Variants in ABCC4 observed in about 807,000 individuals in gnomAD.
ABCC4 encodes the protein ATP-binding cassette sub-family C member 4.
In ABCC4, 102 loss-of-function variants were observed where a neutral mutation model predicts 168.5. The ratio of observed to expected loss-of-function variants is 0.61; its 90% CI spans 0.52 to 0.71. ABCC4 has a LOEUF of 0.71. Ranked by LOEUF, ABCC4 falls within the 30% of genes least tolerant of loss-of-function variation. The pLI, the probability that ABCC4 is intolerant of heterozygous loss-of-function variation, is 0.00. For missense variants in ABCC4, 1,402 were observed against 1,605.8 expected (o/e 0.87, Z 2.17); for synonymous variants, 617 against 590.7 (o/e 1.04, Z -0.65).
At chr13:95,147,059 G>T (rs1247502632) in intron 19 of ABCC4, among the ~76,000 whole-genome samples, 1 of 152,192 alleles carries the variant, frequency 6.6e-6, no homozygotes, top group Non-Finnish European at 1.5e-5. Flanking sequence ...AATCATCGCA[G>T]TTCAGAGCTG....
At chr13:95,102,841 A>G (rs1355070744) in intron 20 of ABCC4, among the ~76,000 whole-genome samples, 2 of 148,396 alleles carry the variant, frequency 1.3e-5, no homozygotes, top group Non-Finnish European at 3.0e-5. Flanking sequence ...GGCTGGTCTC[A>G]AACTCCTGAC....
intron 19 of ABCC4, among the ~76,000 whole-genome samples, chr13:95,132,289 C>A (rs1245565620): frequency 6.6e-6 from 1 of 152,158 alleles, no homozygotes; most frequent in Non-Finnish European, 1.5e-5. Context: ...GATCTCGGCT[C>A]ACTGCAACTT....
chr13:95,196,580 A>AGGAGGGAGGGAG (rs1566515153), intron 8 of ABCC4, among the ~76,000 whole-genome samples: 13 of 101,100 alleles, frequency 1.3e-4, no homozygotes, highest in African/African-American at 4.3e-4. Flanking sequence ...AAAGGAGGAA[A>AGGAGGGAGGGAG]GGAGGAAGGA....
intron 19 of ABCC4, among the ~76,000 whole-genome samples, chr13:95,143,192 C>T (rs2036377889): frequency 6.6e-6 from 1 of 152,098 alleles, no homozygotes; most frequent in Admixed American, 6.5e-5. Flanking sequence ...AGAGAATTCA[C>T]CAATCTTTCG....
chr13:95,071,541 T>C (rs1467966586), intron 25 of ABCC4, 121 bp downstream of exon 25: 2 of 858,776 alleles, frequency 2.3e-6, no homozygotes, highest in Non-Finnish European at 3.3e-6. Context: ...CCATGGTTAG[T>C]TTCCAAGACA....
At chr13:95,227,790 A>AC (rs1196326847) in intron 4 of ABCC4, among the ~76,000 whole-genome samples, 1 of 152,070 alleles carries the variant, frequency 6.6e-6, no homozygotes, top group Non-Finnish European at 1.5e-5. Flanking sequence ...GCTCACTGCA[A>AC]CCTCCACCTC....
intron 20 of ABCC4, among the ~76,000 whole-genome samples, chr13:95,083,620 G>A (rs559440449): frequency 4.7e-5 from 7 of 149,986 alleles, no homozygotes; most frequent in South Asian, 4.2e-4. Context: ...TCCCACTCCC[G>A]TGTTCAAGTG....
chr13:95,251,041 G>A (rs2040244628), intron 1 of ABCC4, among the ~76,000 whole-genome samples: 1 of 151,984 alleles, frequency 6.6e-6, no homozygotes, highest in South Asian at 2.1e-4. Flanking sequence ...TCCCACTTTG[G>A]CCTCCCAAAA....
chr13:95,279,341 G>C (rs4148423), intron 1 of ABCC4, among the ~76,000 whole-genome samples: 1,850 of 152,292 alleles, frequency 0.012, 41 homozygotes, highest in East Asian at 0.088. Context: ...ATATTTTCTA[G>C]TTGTATTGCT....
intron 1 of ABCC4, among the ~76,000 whole-genome samples, chr13:95,265,754 C>T (rs563172684): frequency 2.0e-5 from 3 of 152,130 alleles, no homozygotes; most frequent in Non-Finnish European, 4.4e-5. Flanking sequence ...GTGCTCACAG[C>T]CAGCAAAATG....
intron 20 of ABCC4, among the ~76,000 whole-genome samples, chr13:95,084,968 A>G (rs921019172): frequency 6.6e-6 from 1 of 152,284 alleles, no homozygotes; most frequent in African/African-American, 2.4e-5. Flanking sequence ...GCTTCGGGAA[A>G]TATGAGTGCA....
At chr13:95,205,996 C>T (rs1206527626) in intron 8 of ABCC4, among the ~76,000 whole-genome samples, 1 of 152,110 alleles carries the variant, frequency 6.6e-6, no homozygotes, top group African/African-American at 2.4e-5. Flanking sequence ...GAAAAGCGGA[C>T]AGGAAAGAAA....
At chr13:95,188,634 A>C in intron 9 of ABCC4, 92 bp from the exon 10 acceptor site, 1 of 996,144 alleles carries the variant, frequency 1.0e-6, no homozygotes, top group Non-Finnish European at 1.5e-6. Flanking sequence ...AGTCATTGAT[A>C]CATGAACATA....
At position 95,021,531 on chromosome 13, in the gene ABCC4, T is replaced by C; in HGVS notation, c.*44A>G. 7.1e-7 allele frequency: 1 copy of C among 1,412,892 alleles called. No individual in the cohort carries two copies. Among genetic ancestry groups the C allele is most frequent in the Non-Finnish European group, 1.0e-6 (1 of 1,001,578 alleles). The allele number at this position is 1,412,892 out of a possible 1,614,324, so 87.5% of individuals were successfully genotyped here. The stretch of plus-strand genomic sequence containing the variant: ...AATGTGGTTTACATAGTCCAAAAAC[T>C]AGTGGAAAATGCCTTCGGAACGGAC... On this transcript the variant is annotated 3_prime_UTR_variant, in exon 31 of 31. Transcript: ENST00000645237.
chr13:95,217,252 TTGA>T (rs1468891913), intron 4 of ABCC4, among the ~76,000 whole-genome samples: 2 of 152,144 alleles, frequency 1.3e-5, no homozygotes, highest in Non-Finnish European at 2.9e-5. Context: ...TTCTTCTTTC[TTGA>T]TTATTTTAAT....
At chr13:95,145,078 T>C (rs2036447470) in intron 19 of ABCC4, among the ~76,000 whole-genome samples, 1 of 151,724 alleles carries the variant, frequency 6.6e-6, no homozygotes, top group South Asian at 2.1e-4. Context: ...GAAATGCAAA[T>C]CAAAACCACA....
chr13:95,028,053 C>T (rs760524463), intron 30 of ABCC4, among the ~76,000 whole-genome samples: 1 of 150,194 alleles, frequency 6.7e-6, no homozygotes, highest in Non-Finnish European at 1.5e-5. Flanking sequence ...AAAACCATTA[C>T]ACGAATCAAA....
Position 95,194,885 on chromosome 13 carries a change from T to C in ABCC4, c.1214A>G (p.Asp405Gly). 1 of 1,614,168 alleles carries C rather than the reference T, an allele frequency of 6.2e-7. No homozygotes were observed. The highest frequency in any genetic ancestry group is 8.5e-7 in the Non-Finnish European group (1 of 1,180,028). The change falls in exon 9 of 31, where the codon GAT becomes GGT. Residue 405 changes from aspartate (D) to glycine (G), a missense_variant. Physicochemically the swap from Asp to Gly is moderately conservative, Grantham distance 94. This residue lies in a region of ABCC4 where 1,007 missense variants were observed against 1,127.3 expected (regional missense o/e 0.89). Coordinates refer to ENST00000645237, the MANE Select transcript of ABCC4 (RefSeq NM_005845.5). ...ISQRNRQLPS[D>G]GKKMVHVQDF... Reference sequence around the variant, plus strand: ...CTGCACATGCACCATCTTTTTACCATCTGACGGCAGCTGACGGTTGCGCTG... The same window carrying C: ...CTGCACATGCACCATCTTTTTACCACCTGACGGCAGCTGACGGTTGCGCTG...
At chr13:95,028,031 G>A (rs4148546) in intron 30 of ABCC4, among the ~76,000 whole-genome samples, 83,556 of 151,912 alleles carry the variant, frequency 0.55, 23,448 homozygotes, top group African/African-American at 0.66. Context: ...GAACCAGTGT[G>A]GATTTAGGAC....
Sources: allele counts gnomAD v4.1 joint callset (sites outside exome capture counted in the v4.1 genomes callset), GRCh38; gene constraint gnomAD v4.1.1; regional missense constraint gnomAD v4.1.1; transcripts MANE v1.5; gene names NCBI Gene and HGNC (gene_info 2026-07-23, HGNC 2026-07-21).